TYW1B: variants seen among roughly 807,000 people sequenced by gnomAD.
The protein encoded by TYW1B is tRNA-yW synthesizing protein 1 homolog B, also known as S-adenosyl-L-methionine-dependent tRNA 4-demethylwyosine synthase TYW1B.
Under a neutral mutation model 86.9 loss-of-function variants are expected in TYW1B, and 73 were observed. The observed-to-expected ratio is 0.84, with a 90% confidence interval of 0.70 to 1.02. TYW1B has a LOEUF of 1.02. Ranked by LOEUF, TYW1B falls within the 50% of genes least tolerant of loss-of-function variation. The probability of loss-of-function intolerance (pLI) is 0.00; values close to 1 mark genes in which losing one functional copy is unlikely to be tolerated. For missense variants in TYW1B, 637 were observed against 827.4 expected (o/e 0.77, Z 2.82); for synonymous variants, 248 against 292.8 (o/e 0.85, Z 1.56).
intron 12 of TYW1B, among the ~76,000 whole-genome samples, chr7:72,624,440 G>T (rs1190042036): frequency 1.3e-5 from 2 of 152,212 alleles, no homozygotes; most frequent in Non-Finnish European, 2.9e-5. Context: ...AATCAAGGAT[G>T]TAAAATGCAA....
At position 72,575,682 on chromosome 7, in the gene TYW1B, T is replaced by C. The variant is rs781861322; in HGVS notation, c.1823A>G (p.Tyr608Cys). ...IGGEWWTWID[Y>C]NRFQELIQEY... Reference sequence around the variant, plus strand: ...CTGGATGAGCTCCTGGAAGCGGTTATAATCGATCCATGTCCACCATTCACC... The same window carrying C: ...CTGGATGAGCTCCTGGAAGCGGTTACAATCGATCCATGTCCACCATTCACC... The change falls in exon 14 of 14, where the codon TAT becomes TGT. Residue 608 changes from tyrosine (Y) to cysteine (C), a missense_variant. Coordinates refer to ENST00000620995, the MANE Select transcript of TYW1B (RefSeq NM_001145440.3). The C allele has an allele frequency of 5.6e-6, 9 of 1,612,716 alleles. No individual in the cohort carries two copies. In the African/African-American group the frequency reaches 9.4e-5, roughly 17 times the overall value.
At chr7:72,775,781 A>G (rs1342963848) in intron 7 of TYW1B, among the ~76,000 whole-genome samples, 3 of 152,092 alleles carry the variant, frequency 2.0e-5, no homozygotes, top group Non-Finnish European at 4.4e-5. Flanking sequence ...GGAAAAGGAT[A>G]CCAGACGGAA....
chr7:72,585,786 A>G (rs1319914358), intron 13 of TYW1B, among the ~76,000 whole-genome samples: 1 of 152,120 alleles, frequency 6.6e-6, no homozygotes, highest in Non-Finnish European at 1.5e-5. Context: ...GAGTCCATTA[A>G]ACCTCTTTTT....
intron 6 of TYW1B, among the ~76,000 whole-genome samples, chr7:72,799,320 G>A (rs1292757848): frequency 4.7e-5 from 7 of 148,914 alleles, no homozygotes; most frequent in African/African-American, 1.5e-4. Flanking sequence ...CACTATGCCC[G>A]GCTAATTTTT....
At chr7:72,615,880 T>C (rs1301436507) in intron 13 of TYW1B, among the ~76,000 whole-genome samples, 2 of 151,520 alleles carry the variant, frequency 1.3e-5, no homozygotes, top group Non-Finnish European at 2.9e-5. Context: ...GATGAATCAA[T>C]AGAAACTACC....
chr7:72,625,070 A>C lies in TYW1B; in HGVS notation c.1617+3817T>G, dbSNP rs1340887128. On this transcript the variant is annotated intron_variant, in intron 12 of 13. Coordinates refer to ENST00000620995, the MANE Select transcript of TYW1B (RefSeq NM_001145440.3). ...TAAGAACCTGTCTCAAAAAAAAAAA[A>C]AAAAATTTAATTGTGGTTATACATT... is the stretch of plus-strand genomic sequence containing the variant. Among the ~76,000 whole-genome samples, 274 of 152,274 alleles carry C rather than the reference A, an allele frequency of 1.8e-3. 1 individual carries two copies. Among genetic ancestry groups the C allele is most frequent in the African/African-American group, 6.5e-3 (270 of 41,562 alleles).
At chr7:72,607,237 A>G (rs3015878) in intron 13 of TYW1B, among the ~76,000 whole-genome samples, 25,179 of 151,518 alleles carry the variant, frequency 0.17, 2,630 homozygotes, top group East Asian at 0.55. Flanking sequence ...TAATAAAAAT[A>G]AAAAAATTAG....
chr7:72,749,821 A>C (rs1399513549), intron 7 of TYW1B, among the ~76,000 whole-genome samples: 2 of 149,868 alleles, frequency 1.3e-5, no homozygotes, highest in Non-Finnish European at 3.0e-5. Context: ...TAAGAATTTA[A>C]TGTTGTAAAT....
intron 7 of TYW1B, among the ~76,000 whole-genome samples, chr7:72,764,443 C>T (rs1308842758): frequency 1.3e-5 from 2 of 152,122 alleles, no homozygotes; most frequent in Non-Finnish European, 2.9e-5. Context: ...CCACCACGCC[C>T]AGCTAATTTT....
chr7:72,800,320 C>T (rs1323667087), intron 6 of TYW1B, among the ~76,000 whole-genome samples: 1 of 152,008 alleles, frequency 6.6e-6, no homozygotes, highest in Non-Finnish European at 1.5e-5. Context: ...ACCTCAGCCT[C>T]CCAAGCAGTT....
At chr7:72,627,425 G>C (rs1305566765) in intron 12 of TYW1B, among the ~76,000 whole-genome samples, 1 of 151,792 alleles carries the variant, frequency 6.6e-6, no homozygotes, top group South Asian at 2.1e-4. Flanking sequence ...TCCAGCCTGG[G>C]TGACAGAGTG....
At chr7:72,799,315 T>A (rs1788363548) in intron 6 of TYW1B, among the ~76,000 whole-genome samples, 1 of 145,192 alleles carries the variant, frequency 6.9e-6, no homozygotes, top group African/African-American at 2.6e-5. Context: ...TGCGCCACTA[T>A]GCCCGGCTAA....
chr7:72,654,795 T>A (rs1813159072), intron 11 of TYW1B, among the ~76,000 whole-genome samples: 1 of 151,962 alleles, frequency 6.6e-6, no homozygotes, highest in Non-Finnish European at 1.5e-5. Flanking sequence ...GCAGGAGAAT[T>A]GCTTGAACCC....
chr7:72,806,229 G>T (rs372094068), intron 5 of TYW1B, among the ~76,000 whole-genome samples: 40 of 121,678 alleles, frequency 3.3e-4, no homozygotes, highest in African/African-American at 1.2e-3. Flanking sequence ...TTGGTTGTGT[G>T]TGTGTGGGTT....
chr7:72,618,247 TTTTTTG>T (rs1812128112), intron 12 of TYW1B, among the ~76,000 whole-genome samples: 2 of 148,950 alleles, frequency 1.3e-5, no homozygotes, highest in African/African-American at 4.9e-5. Flanking sequence ...TTTTTTTTTT[TTTTTTG>T]TTGCCCAGGC....
At chr7:72,613,889 G>A (rs1811998999) in intron 13 of TYW1B, among the ~76,000 whole-genome samples, 1 of 151,674 alleles carries the variant, frequency 6.6e-6, no homozygotes, top group African/African-American at 2.4e-5. Flanking sequence ...GGTTGTAAGA[G>A]AAAATATTCC....
At chr7:72,704,044 G>C (rs1554453219) in intron 10 of TYW1B, among the ~76,000 whole-genome samples, 1 of 152,026 alleles carries the variant, frequency 6.6e-6, no homozygotes, top group Non-Finnish European at 1.5e-5. Context: ...CCGCTTTGTA[G>C]TCTGTCATTC....
chr7:72,637,992 A>C (rs1185681794), intron 11 of TYW1B, among the ~76,000 whole-genome samples: 3 of 151,840 alleles, frequency 2.0e-5, no homozygotes, highest in Non-Finnish European at 4.4e-5. Context: ...GCTTTTAAAA[A>C]TTTCATAAAA....
intron 11 of TYW1B, among the ~76,000 whole-genome samples, chr7:72,633,962 G>GC (rs1563039635): frequency 1.3e-5 from 2 of 152,074 alleles, no homozygotes; most frequent in African/African-American, 4.8e-5. Flanking sequence ...CAGTGAATTC[G>GC]ATGTTTGCAA....
Sources: allele counts gnomAD v4.1 joint callset (sites outside exome capture counted in the v4.1 genomes callset), GRCh38; gene constraint gnomAD v4.1.1; transcripts MANE v1.5; gene names NCBI Gene and HGNC (gene_info 2026-07-23, HGNC 2026-07-21).